LEKR1: variants seen among roughly 807,000 people sequenced by gnomAD.
LEKR1 encodes the protein protein LEKR1.
Under a neutral mutation model 72.4 loss-of-function variants are expected in LEKR1, and 59 were observed. The observed-to-expected ratio is 0.82, with a 90% confidence interval of 0.66 to 1.01. The LOEUF (loss-of-function observed/expected upper bound fraction) is 1.01. Among genes scored for constraint, LEKR1 ranks in the 50% least tolerant of loss-of-function variants. LEKR1 has a pLI of 0.00. For synonymous variants in LEKR1, 257 were observed against 263.2 expected, an observed-to-expected ratio of 0.98 and a Z score of 0.23; for missense variants, 728 against 759.2, an observed-to-expected ratio of 0.96 and a Z score of 0.48.
chr3:156,868,994 A>G (rs977055870), intron 3 of LEKR1, among the ~76,000 whole-genome samples: 5 of 152,078 alleles, frequency 3.3e-5, no homozygotes, highest in African/African-American at 1.2e-4. Flanking sequence ...AATGACCTCC[A>G]GTTCCATCCA....
intron 3 of LEKR1, among the ~76,000 whole-genome samples, chr3:156,886,590 G>A (rs1461397996): frequency 6.6e-6 from 1 of 152,120 alleles, no homozygotes; most frequent in Non-Finnish European, 1.5e-5. Context: ...GCTTCACTGG[G>A]CTCAAGCAGG....
chr3:156,965,331 GT>G (rs1728472662), intron 6 of LEKR1, among the ~76,000 whole-genome samples: 1 of 152,070 alleles, frequency 6.6e-6, no homozygotes, highest in Admixed American at 6.5e-5. Context: ...ATATTGGGTT[GT>G]TTTAATGTTA....
chr3:156,874,023 A>T (rs116519077), intron 3 of LEKR1, among the ~76,000 whole-genome samples: 3,363 of 152,190 alleles, frequency 0.022, 57 homozygotes, highest in Middle Eastern at 0.044. Flanking sequence ...AGCCTCCTGT[A>T]TCTGGAAGTC....
chr3:157,045,783 G>C lies in LEKR1; in HGVS notation c.*33G>C. ...TGAGGAGCAGGAAGCTCCCTACAGC[G>C]TGCACGCTCTTTCAGAGAGTGCCAG... On this transcript the variant is annotated 3_prime_UTR_variant, in exon 13 of 13. Transcript: ENST00000356539. 6.4e-7 allele frequency: 1 copy of C among 1,574,744 alleles called. No individual in the cohort carries two copies. Among genetic ancestry groups the C allele is most frequent in the Non-Finnish European group, 8.6e-7 (1 of 1,160,702 alleles).
intron 9 of LEKR1, among the ~76,000 whole-genome samples, chr3:157,000,913 TAGTG>T (rs1161056904): frequency 6.6e-6 from 1 of 152,182 alleles, no homozygotes; most frequent in Non-Finnish European, 1.5e-5. Context: ...GTTCTTGTAA[TAGTG>T]AGTGAGTTCT....
chr3:156,844,893 A>G (rs1392893090), intron 2 of LEKR1, among the ~76,000 whole-genome samples: 1 of 139,000 alleles, frequency 7.2e-6, no homozygotes, highest in African/African-American at 2.8e-5. Flanking sequence ...GCTATGTTAT[A>G]TAGTAACTAC....
intron 5 of LEKR1, among the ~76,000 whole-genome samples, chr3:156,929,163 C>A (rs1173508486): frequency 6.9e-6 from 1 of 144,324 alleles, no homozygotes; most frequent in Non-Finnish European, 1.5e-5. Context: ...ACTGGATGGA[C>A]TTTTTTTTTT....
At chr3:156,890,631 C>A (rs78239892) in intron 3 of LEKR1, among the ~76,000 whole-genome samples, 3,358 of 152,158 alleles carry the variant, frequency 0.022, 50 homozygotes, top group Middle Eastern at 0.068. Context: ...TTCAGCCTAG[C>A]CTTTTGTTCC....
intron 3 of LEKR1, among the ~76,000 whole-genome samples, chr3:156,878,383 C>A (rs1323419947): frequency 1.3e-5 from 2 of 152,012 alleles, no homozygotes; most frequent in Non-Finnish European, 2.9e-5. Context: ...CATTGTTGAC[C>A]CAAAGATCAT....
At chr3:156,866,032 A>G (rs1717274223) in intron 3 of LEKR1, among the ~76,000 whole-genome samples, 1 of 152,068 alleles carries the variant, frequency 6.6e-6, no homozygotes, top group Non-Finnish European at 1.5e-5. Flanking sequence ...AGTTCCATGA[A>G]AACCAGTCTG....
At chr3:156,884,168 G>A (rs1295545450) in intron 3 of LEKR1, among the ~76,000 whole-genome samples, 2 of 152,140 alleles carry the variant, frequency 1.3e-5, no homozygotes, top group South Asian at 2.1e-4. Flanking sequence ...CAGTGCTCAT[G>A]TTTTATGTGA....
intron 11 of LEKR1, among the ~76,000 whole-genome samples, chr3:157,027,307 G>A (rs1734258182): frequency 6.6e-6 from 1 of 151,780 alleles, no homozygotes; most frequent in Non-Finnish European, 1.5e-5. Context: ...AAGCTCTGTT[G>A]GGCAGTACTG....
chr3:156,829,040 G>A (rs1712021308), intron 1 of LEKR1, among the ~76,000 whole-genome samples: 1 of 152,084 alleles, frequency 6.6e-6, no homozygotes, highest in African/African-American at 2.4e-5. Flanking sequence ...AGACTATAAA[G>A]TTCTAACAAA....
intron 2 of LEKR1, among the ~76,000 whole-genome samples, chr3:156,841,854 TAGAG>T (rs950923298): frequency 2.0e-5 from 3 of 152,126 alleles, no homozygotes; most frequent in Admixed American, 6.5e-5. Context: ...AGAATAATAT[TAGAG>T]AGAGAGATCG....
At chr3:157,031,413 G>A (rs1420566312) in intron 12 of LEKR1, among the ~76,000 whole-genome samples, 1 of 152,012 alleles carries the variant, frequency 6.6e-6, no homozygotes, top group Non-Finnish European at 1.5e-5. Context: ...TTGTGGGAGC[G>A]GGGAGGGTAG....
At chr3:156,862,619 A>G (rs1288397517) in intron 3 of LEKR1, among the ~76,000 whole-genome samples, 1 of 152,048 alleles carries the variant, frequency 6.6e-6, no homozygotes, top group African/African-American at 2.4e-5. Context: ...TTGTTAACTA[A>G]GGTTAGTAGC....
intron 2 of LEKR1, among the ~76,000 whole-genome samples, chr3:156,833,427 CAATT>C (rs1336145691): frequency 1.3e-5 from 2 of 152,090 alleles, no homozygotes; most frequent in Admixed American, 1.3e-4. Context: ...GTTTAAGACT[CAATT>C]AACAAGGAAA....
chr3:156,981,986 T>A (rs748968836), intron 7 of LEKR1, among the ~76,000 whole-genome samples: 1 of 152,238 alleles, frequency 6.6e-6, no homozygotes, highest in Non-Finnish European at 1.5e-5. Context: ...TTCTTTGTGT[T>A]GTTTAAAGAT....
chr3:157,005,103 A>G (rs1051999488), intron 9 of LEKR1, among the ~76,000 whole-genome samples: 1 of 152,078 alleles, frequency 6.6e-6, no homozygotes, highest in African/African-American at 2.4e-5. Context: ...GAGGGATGAT[A>G]CTACTACAGA....
Sources: gnomAD v4.1 joint callset for allele counts (sites outside exome capture counted in the v4.1 genomes callset) on GRCh38, gnomAD v4.1.1 for gene constraint, MANE v1.5 for transcripts, NCBI Gene and HGNC (gene_info 2026-07-23, HGNC 2026-07-21) for gene names.